Variants in CENPP observed in about 807,000 individuals in gnomAD.
CENPP encodes the protein centromere protein P.
CENPP carries 24 observed loss-of-function variants against 35.6 expected under a neutral mutation model. The ratio of observed to expected loss-of-function variants is 0.67; its 90% CI spans 0.49 to 0.95. The LOEUF (loss-of-function observed/expected upper bound fraction) is 0.95, where lower values mean the gene tolerates loss of function less well. CENPP is among the 40% of genes least tolerant of loss of function. The pLI, the probability that CENPP is intolerant of heterozygous loss-of-function variation, is 0.00. For synonymous variants in CENPP, 120 were observed against 125.5 expected, an observed-to-expected ratio of 0.96 and a Z score of 0.29; for missense variants, 332 against 345.3, an observed-to-expected ratio of 0.96 and a Z score of 0.31.
intron 5 of CENPP, among the ~76,000 whole-genome samples, chr9:92,395,475 A>G (rs1360478153): frequency 1.3e-5 from 2 of 152,210 alleles, no homozygotes; most frequent in Admixed American, 1.3e-4. Context: ...AAAGAAATTT[A>G]TGTGTAAGTT....
At chr9:92,367,895 C>T (rs757745461) in intron 4 of CENPP, among the ~76,000 whole-genome samples, 71 of 152,312 alleles carry the variant, frequency 4.7e-4, no homozygotes, top group Non-Finnish European at 6.6e-4. Flanking sequence ...GGATTGCAGG[C>T]GTGAGACAGC....
At chr9:92,401,790 A>G (rs1843121729) in intron 5 of CENPP, among the ~76,000 whole-genome samples, 1 of 152,144 alleles carries the variant, frequency 6.6e-6, no homozygotes, top group Non-Finnish European at 1.5e-5. Context: ...TGGAGTAGAT[A>G]CAATTTAGAT....
chr9:92,457,183 T>A, intron 5 of CENPP: 1 of 1,452,162 alleles, frequency 6.9e-7, no homozygotes, highest in South Asian at 1.5e-5. Flanking sequence ...TGAGAATAGA[T>A]ATTTGCTTGT....
intron 5 of CENPP, among the ~76,000 whole-genome samples, chr9:92,440,432 T>C (rs931996511): frequency 6.6e-6 from 1 of 152,110 alleles, no homozygotes; most frequent in African/African-American, 2.4e-5. Context: ...GAATTTGTGT[T>C]GGGCCACATT....
intron 5 of CENPP, among the ~76,000 whole-genome samples, chr9:92,590,305 C>T (rs1483056594): frequency 6.6e-6 from 1 of 152,198 alleles, no homozygotes; most frequent in African/African-American, 2.4e-5. Flanking sequence ...CACTATAAAA[C>T]ACATCTGGTT....
At chr9:92,472,197 G>C (rs375315156) in intron 5 of CENPP, among the ~76,000 whole-genome samples, 32 of 151,084 alleles carry the variant, frequency 2.1e-4, no homozygotes, top group African/African-American at 7.8e-4. Context: ...TCTCTACTAA[G>C]AATACAAAAA....
intron 5 of CENPP, among the ~76,000 whole-genome samples, chr9:92,513,858 A>G (rs1018586340): frequency 2.0e-5 from 3 of 152,206 alleles, no homozygotes; most frequent in Non-Finnish European, 4.4e-5. Context: ...GACTATGTGC[A>G]TTTGTCAAAA....
chr9:92,364,180 CT>C (rs112886996), intron 4 of CENPP, among the ~76,000 whole-genome samples: 35 of 143,418 alleles, frequency 2.4e-4, no homozygotes, highest in East Asian at 6.0e-4. Flanking sequence ...TGAAGGCCTG[CT>C]TTTTTTTTTT....
chr9:92,586,708 T>TGATCTCCAGACATCTAAGGA (rs1850549876), intron 5 of CENPP, among the ~76,000 whole-genome samples: 1 of 152,098 alleles, frequency 6.6e-6, no homozygotes, highest in African/African-American at 2.4e-5. Flanking sequence ...TTATTTTCTT[T>TGATCTCCAGACATCTAAGGA]GATCTCCAGA....
At chr9:92,342,702 G>C (rs960250793) in intron 3 of CENPP, among the ~76,000 whole-genome samples, 1 of 152,206 alleles carries the variant, frequency 6.6e-6, no homozygotes, top group African/African-American at 2.4e-5. Flanking sequence ...TTCTTACTTG[G>C]GGAGGGAAAA....
chr9:92,416,095 T>TATATA (rs1843599841), intron 5 of CENPP, among the ~76,000 whole-genome samples: 1 of 138,344 alleles, frequency 7.2e-6, no homozygotes, highest in Admixed American at 7.3e-5. Flanking sequence ...TATTTATTTA[T>TATATA]TTATTTTATT....
At chr9:92,570,507 A>C (rs1389400631) in intron 5 of CENPP, among the ~76,000 whole-genome samples, 1 of 152,118 alleles carries the variant, frequency 6.6e-6, no homozygotes, top group Non-Finnish European at 1.5e-5. Flanking sequence ...TTTTTGCATC[A>C]ATGTTCATCA....
chr9:92,592,245 T>C (rs1850682735), intron 5 of CENPP, among the ~76,000 whole-genome samples: 1 of 152,102 alleles, frequency 6.6e-6, no homozygotes, highest in African/African-American at 2.4e-5. Flanking sequence ...ACCACTCCGA[T>C]CAGGAAACAG....
At chr9:92,397,447 C>T (rs1235630452) in intron 5 of CENPP, among the ~76,000 whole-genome samples, 1 of 152,146 alleles carries the variant, frequency 6.6e-6, no homozygotes, top group Non-Finnish European at 1.5e-5. Context: ...CCACCTCAGC[C>T]TCCCGAGTAG....
At chr9:92,551,587 T>A (rs1849588385) in intron 5 of CENPP, among the ~76,000 whole-genome samples, 4 of 152,066 alleles carry the variant, frequency 2.6e-5, no homozygotes, top group Admixed American at 2.6e-4. Flanking sequence ...GTAAGTTGTT[T>A]AGTGGTGATT....
chr9:92,497,657 A>G (rs1846427351), intron 5 of CENPP, among the ~76,000 whole-genome samples: 1 of 151,790 alleles, frequency 6.6e-6, no homozygotes, highest in Admixed American at 6.6e-5. Context: ...AAAAAAGAAA[A>G]AAAGGGTAGA....
intron 5 of CENPP, among the ~76,000 whole-genome samples, chr9:92,382,107 TTATA>T (rs1372969878): frequency 6.6e-6 from 1 of 152,074 alleles, no homozygotes; most frequent in Non-Finnish European, 1.5e-5. Context: ...GTAGAGTTCT[TTATA>T]TATTCTAGAT....
At chr9:92,603,933 T>C (rs896806030) in intron 5 of CENPP, among the ~76,000 whole-genome samples, 1 of 152,240 alleles carries the variant, frequency 6.6e-6, no homozygotes, top group Non-Finnish European at 1.5e-5. Flanking sequence ...ATCCTTGCCC[T>C]TCTCCCCACC....
intron 5 of CENPP, among the ~76,000 whole-genome samples, chr9:92,588,768 T>A (rs1168426532): frequency 6.6e-6 from 1 of 152,108 alleles, no homozygotes; most frequent in Non-Finnish European, 1.5e-5. Flanking sequence ...CAGGTGAGAA[T>A]GTAAAGAAGG....
Sources: allele counts gnomAD v4.1 joint callset (sites outside exome capture counted in the v4.1 genomes callset), GRCh38; gene constraint gnomAD v4.1.1; transcripts MANE v1.5; gene names NCBI Gene and HGNC (gene_info 2026-07-23, HGNC 2026-07-21).